Variants in LRIF1 observed in about 807,000 individuals in gnomAD.
LRIF1 encodes ligand dependent nuclear receptor interacting factor 1.
LRIF1 carries 32 observed loss-of-function variants against 52.7 expected under a neutral mutation model. That is an observed-to-expected ratio of 0.61 (90% CI 0.46 to 0.82). The LOEUF (loss-of-function observed/expected upper bound fraction) is 0.82, where lower values mean the gene tolerates loss of function less well. Among genes scored for constraint, LRIF1 ranks in the 40% least tolerant of loss-of-function variants. The pLI, the probability that LRIF1 is intolerant of heterozygous loss-of-function variation, is 0.00. For synonymous variants in LRIF1, 323 were observed against 317.4 expected (o/e 1.02, Z -0.19); for missense variants, 887 against 892.0 (o/e 0.99, Z 0.07).
the LRIF1 span, among the ~76,000 whole-genome samples, chr1:110,925,385 G>T: frequency 2.0e-5 from 3 of 151,366 alleles, no homozygotes; most frequent in Non-Finnish European, 4.4e-5. Context: ...CAGCCTCCAC[G>T]GTCACATAAA....
At chr1:110,883,204 GCCTTTTATAAGTTTGCATAA>G in the LRIF1 span, among the ~76,000 whole-genome samples, 6 of 151,858 alleles carry the variant, frequency 4.0e-5, no homozygotes, top group Admixed American at 3.9e-4. Context: ...CTTCATAAAT[GCCTTTTATAAGTTTGCATAA>G]GCGTTCTTCT....
chr1:110,944,896 G>GA (rs563852119), downstream of LRIF1: 1 of 138,736 alleles, frequency 7.2e-6, no homozygotes, highest in East Asian at 2.1e-4. Context: ...CAAGGTTGCT[G>GA]TTTTTTTTTT....
the LRIF1 span, among the ~76,000 whole-genome samples, chr1:110,885,492 C>T: frequency 8.6e-5 from 13 of 151,872 alleles, no homozygotes; most frequent in Non-Finnish European, 1.6e-4. Flanking sequence ...GAGCCGAGAT[C>T]GCGCCACTGC....
the LRIF1 span, among the ~76,000 whole-genome samples, chr1:110,896,141 T>G: frequency 6.6e-6 from 1 of 152,224 alleles, no homozygotes; most frequent in African/African-American, 2.4e-5. Context: ...TATTTGTCCT[T>G]TAGACTTCTC....
At chr1:110,899,481 A>G in the LRIF1 span, 1 of 303,158 alleles carries the variant, frequency 3.3e-6, no homozygotes, top group African/African-American at 2.2e-5. Context: ...AACTGGATTT[A>G]ATGGCCCAAC....
chr1:110,957,781 T>C (rs557068325), intron 1 of LRIF1, among the ~76,000 whole-genome samples: 159 of 95,668 alleles, frequency 1.7e-3, no homozygotes, highest in Middle Eastern at 8.5e-3. Flanking sequence ...GTCTTTATCA[T>C]CATTCTTATT....
chr1:110,906,173 T>C, the LRIF1 span, among the ~76,000 whole-genome samples: 65 of 152,110 alleles, frequency 4.3e-4, no homozygotes, highest in Admixed American at 4.3e-3. Context: ...TAAGAATTAA[T>C]AAGAGATTTT....
chr1:110,914,520 A>G, the LRIF1 span, among the ~76,000 whole-genome samples: 90,165 of 151,998 alleles, frequency 0.59, 27,251 homozygotes, highest in East Asian at 0.83. Flanking sequence ...TTGGGAGGCT[A>G]AGGTGGGTGG....
At chr1:110,879,555 C>G in the LRIF1 span, among the ~76,000 whole-genome samples, 1 of 152,096 alleles carries the variant, frequency 6.6e-6, no homozygotes, top group East Asian at 1.9e-4. Flanking sequence ...AGGTTTTTCT[C>G]TTACACTGTT....
the LRIF1 span, among the ~76,000 whole-genome samples, chr1:110,917,306 TC>T: frequency 6.6e-6 from 1 of 152,182 alleles, no homozygotes; most frequent in East Asian, 1.9e-4. Flanking sequence ...CATCTTTCCT[TC>T]CCAATTGCTT....
At chr1:110,930,459 C>T in the LRIF1 span, among the ~76,000 whole-genome samples, 5 of 152,254 alleles carry the variant, frequency 3.3e-5, no homozygotes, top group South Asian at 2.1e-4. Context: ...CAGATGCCTA[C>T]CTTCTCACTG....
chr1:110,926,019 C>A, the LRIF1 span, among the ~76,000 whole-genome samples: 3 of 151,712 alleles, frequency 2.0e-5, no homozygotes, highest in Admixed American at 2.0e-4. Context: ...TAAGATAGAC[C>A]AAAATAAATA....
the LRIF1 span, among the ~76,000 whole-genome samples, chr1:110,933,028 A>C: frequency 6.6e-6 from 1 of 152,170 alleles, no homozygotes; most frequent in African/African-American, 2.4e-5. Context: ...TAGAGGTCAA[A>C]TACTATTTAT....
the LRIF1 span, chr1:110,896,807 T>C: frequency 5.6e-6 from 7 of 1,255,580 alleles, no homozygotes; most frequent in African/African-American, 5.9e-5. Context: ...ACTGCAGTCA[T>C]AGAGGACCTA....
At chr1:110,898,863 A>G in the LRIF1 span, among the ~76,000 whole-genome samples, 110,428 of 151,972 alleles carry the variant, frequency 0.73, 42,138 homozygotes, top group Non-Finnish European at 0.84. Flanking sequence ...CCTAGCAGCA[A>G]GGCTTCTGTG....
At chr1:110,945,704 G>C (rs1658188972), downstream of LRIF1, among the ~76,000 whole-genome samples, 1 of 152,198 alleles carries the variant, frequency 6.6e-6, no homozygotes, top group African/African-American at 2.4e-5. Flanking sequence ...TGGGATTACA[G>C]GTGTGAGCCA....
chr1:110,961,925 A>C (rs756686516), intron 1 of LRIF1, among the ~76,000 whole-genome samples: 8 of 152,154 alleles, frequency 5.3e-5, no homozygotes, highest in Non-Finnish European at 2.9e-5. Context: ...TGATTTAAAT[A>C]AATACATTCA....
the LRIF1 span, among the ~76,000 whole-genome samples, chr1:110,876,617 T>C: frequency 6.6e-6 from 1 of 152,084 alleles, no homozygotes; most frequent in East Asian, 1.9e-4. Flanking sequence ...TGGCTTACCT[T>C]ATATCAGGAG....
intron 1 of LRIF1, among the ~76,000 whole-genome samples, chr1:110,955,478 T>A (rs531464334): frequency 5.8e-4 from 89 of 152,344 alleles, no homozygotes; most frequent in Admixed American, 1.8e-3. Flanking sequence ...CTTCCATTAT[T>A]CTTAGAGTCG....
Sources: allele counts gnomAD v4.1 joint callset (sites outside exome capture counted in the v4.1 genomes callset), GRCh38; gene constraint gnomAD v4.1.1; transcripts MANE v1.5; gene names NCBI Gene and HGNC (gene_info 2026-07-23, HGNC 2026-07-21).